MSR1: variants seen among roughly 807,000 people sequenced by gnomAD.
The protein encoded by MSR1 is macrophage scavenger receptor types I and II.
MSR1 carries 53 observed loss-of-function variants against 47.2 expected under a neutral mutation model. The observed-to-expected ratio is 1.12, with a 90% CI of 0.90 to 1.41. The LOEUF is 1.41. Among genes scored for constraint, MSR1 ranks in the 40% most tolerant of loss-of-function variants. The probability of loss-of-function intolerance (pLI) is 0.00; values close to 1 mark genes in which losing one functional copy is unlikely to be tolerated. For synonymous variants in MSR1, 239 were observed against 185.6 expected (o/e 1.29, Z -2.34); for missense variants, 786 against 546.9 (o/e 1.44, Z -4.36).
chr8:16,154,808 G>T (rs1800955285), intron 6 of MSR1, among the ~76,000 whole-genome samples: 1 of 151,678 alleles, frequency 6.6e-6, no homozygotes, highest in Non-Finnish European at 1.5e-5. Context: ...TGGTTACTCT[G>T]GTTAAAGCAT....
Position 16,143,593 on chromosome 8 carries a change from C to G in MSR1, c.998G>C (p.Gly333Ala). 6.2e-7 allele frequency: 1 copy of G among 1,612,318 alleles called. No individual in the cohort carries two copies. Residue 333 changes from glycine to alanine, a missense_variant, in exon 8 of 10, where the codon GGC becomes GCC. Physicochemically the swap from Gly to Ala is moderately conservative, Grantham distance 60 (BLOSUM62 0). Transcript: ENST00000262101. ...AGRPGNSGPK[G>A]QKGEKGSGNT... ...TCCACTCCCCTTTTCCCCTTTCTGG[C>G]CTTTTGGTCCAGAATTTCCTTGAGA...
rs1193023228 is a variant in MSR1 at position 16,109,088 on chromosome 8, G to A, written c.*997C>T. On this transcript the variant is annotated 3_prime_UTR_variant, in exon 10 of 10. Coordinates refer to ENST00000262101, the MANE Select transcript of MSR1 (RefSeq NM_138715.3). ...CTCTACACTATGGCCCTGGGGATGG[G>A]TTGACTACCAACAAAAGGTTGCTAA... 1 of 151,814 alleles carries A rather than the reference G, an allele frequency of 6.6e-6. No individual in the cohort carries two copies. The highest frequency in any genetic ancestry group is 1.5e-5 in the Non-Finnish European group (1 of 67,974). The allele number at this position is 151,814 out of a possible 1,614,324, so 9.4% of individuals were successfully genotyped here.
chr8:16,164,082 T>C lies in MSR1; in HGVS notation c.800A>G (p.Asn267Ser), dbSNP rs763504370. 2.5e-6 allele frequency: 4 copies of C among 1,608,296 alleles called. No individual in the cohort carries two copies. The highest frequency in any genetic ancestry group is 3.4e-6 in the Non-Finnish European group (4 of 1,176,222). The change falls in exon 5 of 10, where the codon AAT (asparagine) becomes AGT (serine). Residue 267 changes from asparagine (N) to serine (S), a missense_variant. Physicochemically the swap from Asn to Ser is conservative, Grantham distance 46. Coordinates refer to ENST00000262101, the MANE Select transcript of MSR1 (RefSeq NM_138715.3). The part of the protein sequence containing the change: ...KDWEHSQTLR[N>S]ITLIQGPPGP... Reference sequence around the variant, plus strand: ...CATTTTACCTTGAATTAAAGTGATATTTCTCAAGGTCTGAGAATGTTCCCA... The same window carrying C: ...CATTTTACCTTGAATTAAAGTGATACTTCTCAAGGTCTGAGAATGTTCCCA...
At chr8:16,140,872 A>G in intron 8 of MSR1, 1 of 1,599,488 alleles carries the variant, frequency 6.3e-7, no homozygotes, top group South Asian at 1.1e-5. Context: ...CAGGTACAAC[A>G]CGGGAACCAA....
chr8:16,132,570 C>T (rs1329899408), intron 8 of MSR1, among the ~76,000 whole-genome samples: 1 of 152,050 alleles, frequency 6.6e-6, no homozygotes, highest in African/African-American at 2.4e-5. Flanking sequence ...TCACTGCAAC[C>T]CCTGCCTCCC....
At chr8:16,130,197 C>T (rs1800223779) in intron 8 of MSR1, among the ~76,000 whole-genome samples, 1 of 152,168 alleles carries the variant, frequency 6.6e-6, no homozygotes, top group Non-Finnish European at 1.5e-5. Flanking sequence ...AACGACACAA[C>T]ATACAGGTAT....
chr8:16,189,811 A>G (rs1245354644), intron 1 of MSR1, among the ~76,000 whole-genome samples: 1 of 141,934 alleles, frequency 7.0e-6, no homozygotes, highest in East Asian at 2.0e-4. Flanking sequence ...CTAAATAAAA[A>G]ATACAGCCAT....
chr8:16,168,713 G>A lies in MSR1; in HGVS notation c.375C>T (p.Ile125=). ...MEHMSNMEKR[I]QHILDMEANL... ...TGGCTTCCATGTCTAAAATATGCTG[G>A]ATTCTCTTCTCCATGTTGCTCATGT... Residue 125 remains isoleucine, a synonymous_variant, in exon 4 of 10, where the codon ATC becomes ATT. Transcript: ENST00000262101. 6.2e-7 allele frequency: 1 copy of A among 1,614,082 alleles called. No individual in the cohort carries two copies. Among genetic ancestry groups the A allele is most frequent in the Non-Finnish European group, 8.5e-7 (1 of 1,180,002 alleles).
chr8:16,178,080 G>T, intron 1 of MSR1, 88 bp from the exon 2 acceptor site: 2 of 986,822 alleles, frequency 2.0e-6, no homozygotes, highest in South Asian at 1.4e-5. Context: ...ATTTCAGTTT[G>T]AAATGGAATC....
chr8:16,125,266 T>C (rs938352509), intron 8 of MSR1, among the ~76,000 whole-genome samples: 2 of 152,156 alleles, frequency 1.3e-5, no homozygotes, highest in African/African-American at 4.8e-5. Context: ...TTGAATCTGC[T>C]TGACAAGGCC....
intron 8 of MSR1, among the ~76,000 whole-genome samples, chr8:16,138,960 T>C (rs1563147308): frequency 6.6e-6 from 1 of 152,326 alleles, no homozygotes; most frequent in East Asian, 1.9e-4. Context: ...GCCCATGCTT[T>C]GTTCTTCAGA....
intron 8 of MSR1, among the ~76,000 whole-genome samples, chr8:16,135,806 T>G (rs973944602): frequency 2.0e-5 from 3 of 152,068 alleles, no homozygotes; most frequent in African/African-American, 7.2e-5. Context: ...TTGGAAGAAG[T>G]TGATTCCAAC....
intron 7 of MSR1, among the ~76,000 whole-genome samples, chr8:16,144,384 A>G (rs1387940864): frequency 2.6e-5 from 4 of 152,058 alleles, no homozygotes; most frequent in African/African-American, 7.2e-5. Context: ...ATACAATCAG[A>G]TCTTCAAGTA....
At chr8:16,189,508 T>C (rs1193066679) in intron 1 of MSR1, among the ~76,000 whole-genome samples, 1 of 98,994 alleles carries the variant, frequency 1.0e-5, no homozygotes, top group East Asian at 2.7e-4. Context: ...TATATATATT[T>C]TTATATATAA....
intron 8 of MSR1, among the ~76,000 whole-genome samples, chr8:16,135,531 T>C (rs13253693): frequency 0.6 from 91,295 of 152,020 alleles, 32,888 homozygotes; most frequent in Non-Finnish European, 0.8. Context: ...CTGATGGAGA[T>C]GGACAGAAAG....
chr8:16,173,565 G>A (rs59793752), intron 3 of MSR1, among the ~76,000 whole-genome samples: 80 of 152,264 alleles, frequency 5.3e-4, no homozygotes, highest in African/African-American at 1.9e-3. Context: ...GTTATGGTTG[G>A]ATTTTTGTTT....
intron 8 of MSR1, among the ~76,000 whole-genome samples, chr8:16,134,663 T>C (rs574798063): frequency 6.6e-6 from 1 of 152,274 alleles, no homozygotes; most frequent in South Asian, 2.1e-4. Flanking sequence ...ATCTCTCATT[T>C]AAATCAAAAG....
chr8:16,184,911 C>T (rs1049182284), intron 1 of MSR1, among the ~76,000 whole-genome samples: 4 of 151,722 alleles, frequency 2.6e-5, no homozygotes, highest in African/African-American at 7.3e-5. Context: ...AAAGGAAAAC[C>T]ACCTAGTACA....
chr8:16,139,619 A>C (rs1396830336), intron 8 of MSR1: 1 of 974,118 alleles, frequency 1.0e-6, no homozygotes, highest in Non-Finnish European at 1.2e-6. Flanking sequence ...TTAGAACAAA[A>C]GAATATTGGT....
Sources: allele counts gnomAD v4.1 joint callset (sites outside exome capture counted in the v4.1 genomes callset), GRCh38; gene constraint gnomAD v4.1.1; transcripts MANE v1.5; gene names NCBI Gene and HGNC (gene_info 2026-07-23, HGNC 2026-07-21).